Variants in B4GALT6 observed in about 807,000 individuals in gnomAD.
B4GALT6 encodes beta-1,4-galactosyltransferase 6.
A neutral mutation model predicts 46.3 loss-of-function variants in B4GALT6; 14 were observed. That is an observed-to-expected ratio of 0.30 (90% CI 0.20 to 0.47). The LOEUF is 0.47. Ranked by LOEUF, B4GALT6 falls within the 20% of genes least tolerant of loss-of-function variation. B4GALT6 has a pLI of 0.99. For missense variants in B4GALT6, 386 were observed against 480.1 expected (o/e 0.80, Z 1.83); for synonymous variants, 168 against 162.0 (o/e 1.04, Z -0.28).
At chr18:31,653,435 CTTTTTTTT>C (rs5823819) in intron 3 of B4GALT6, among the ~76,000 whole-genome samples, 7 of 74,162 alleles carry the variant, frequency 9.4e-5, no homozygotes, top group South Asian at 6.8e-4. Context: ...AACCTTTTTT[CTTTTTTTT>C]TTTTTTTTTT....
At chr18:31,696,485 T>A in the B4GALT6 span, among the ~76,000 whole-genome samples, 1 of 152,220 alleles carries the variant, frequency 6.6e-6, no homozygotes, top group Admixed American at 6.5e-5. Context: ...TACATTCTAT[T>A]ATTTTATTGA....
intron 1 of B4GALT6, among the ~76,000 whole-genome samples, chr18:31,673,071 G>GA (rs887781818): frequency 2.0e-5 from 3 of 152,056 alleles, no homozygotes; most frequent in African/African-American, 7.2e-5. Context: ...AGCCTGAGTG[G>GA]AAAAAAACTA....
At chr18:31,657,180 TCA>T (rs1198807053) in intron 3 of B4GALT6, among the ~76,000 whole-genome samples, 1 of 152,082 alleles carries the variant, frequency 6.6e-6, no homozygotes, top group African/African-American at 2.4e-5. Context: ...ACAGGAAAAC[TCA>T]CACTCTGTTG....
intron 3 of B4GALT6, among the ~76,000 whole-genome samples, chr18:31,657,591 G>A (rs925309040): frequency 1.3e-5 from 2 of 152,142 alleles, no homozygotes; most frequent in African/African-American, 4.8e-5. Context: ...CACTGGGGAT[G>A]GTGGTCAAAA....
the B4GALT6 span, among the ~76,000 whole-genome samples, chr18:31,700,558 G>C: frequency 6.6e-6 from 1 of 151,876 alleles, no homozygotes; most frequent in Non-Finnish European, 1.5e-5. Flanking sequence ...CCAGGTTCGC[G>C]CCATTCTCCT....
chr18:31,682,854 G>C (rs1456553307), intron 1 of B4GALT6, among the ~76,000 whole-genome samples: 1 of 152,126 alleles, frequency 6.6e-6, no homozygotes, highest in Non-Finnish European at 1.5e-5. Context: ...TAATTTATAA[G>C]ACTCCAAAAT....
chr18:31,671,248 T>C (rs2074353625), intron 1 of B4GALT6, among the ~76,000 whole-genome samples: 2 of 152,180 alleles, frequency 1.3e-5, no homozygotes, highest in African/African-American at 4.8e-5. Flanking sequence ...TTATAATCCT[T>C]TGGGTATATG....
chr18:31,703,133 CT>C, the B4GALT6 span, among the ~76,000 whole-genome samples: 826 of 152,222 alleles, frequency 5.4e-3, 9 homozygotes, highest in African/African-American at 0.019. Flanking sequence ...AAGGGAAACT[CT>C]TTGGTTTAAC....
chr18:31,660,702 TA>T (rs1390241435), intron 2 of B4GALT6, among the ~76,000 whole-genome samples: 1 of 151,406 alleles, frequency 6.6e-6, no homozygotes, highest in South Asian at 2.1e-4. Flanking sequence ...AAATAATACA[TA>T]ATAGGAGTTC....
At chr18:31,643,455 T>C (rs1469549737) in intron 4 of B4GALT6, among the ~76,000 whole-genome samples, 3 of 152,060 alleles carry the variant, frequency 2.0e-5, no homozygotes, top group Non-Finnish European at 4.4e-5. Context: ...TGTTCCACCA[T>C]GCCCGGCTAA....
At chr18:31,635,561 T>C (rs913567112) in intron 5 of B4GALT6, among the ~76,000 whole-genome samples, 1 of 149,908 alleles carries the variant, frequency 6.7e-6, no homozygotes, top group Admixed American at 6.6e-5. Context: ...AAGCTGAGAG[T>C]GAGAAACAAA....
At chr18:31,712,287 A>ATTTTTTT in the B4GALT6 span, among the ~76,000 whole-genome samples, 112 of 84,624 alleles carry the variant, frequency 1.3e-3, 8 homozygotes, top group Middle Eastern at 7.9e-3. Context: ...CTGGGACGTT[A>ATTTTTTT]TTTTTTTTTT....
At chr18:31,684,641 C>G (rs1598940873), upstream of B4GALT6, 2 of 909,210 alleles carry the variant, frequency 2.2e-6, no homozygotes, top group South Asian at 9.1e-5. Context: ...AGGGGAGGCG[C>G]GGAGGCCGAG....
At chr18:31,637,305 G>A (rs1421663305) in intron 5 of B4GALT6, among the ~76,000 whole-genome samples, 1 of 151,590 alleles carries the variant, frequency 6.6e-6, no homozygotes, top group Non-Finnish European at 1.5e-5. Context: ...TCTCCACCTG[G>A]TTCTCTCTTC....
At chr18:31,712,287 A>ACTT in the B4GALT6 span, among the ~76,000 whole-genome samples, 768 of 84,644 alleles carry the variant, frequency 9.1e-3, 45 homozygotes, top group African/African-American at 0.036. Context: ...CTGGGACGTT[A>ACTT]TTTTTTTTTT....
At chr18:31,700,700 C>T in the B4GALT6 span, among the ~76,000 whole-genome samples, 1 of 152,134 alleles carries the variant, frequency 6.6e-6, no homozygotes, top group Admixed American at 6.6e-5. Context: ...TCGTGATCTG[C>T]ATGCCTCGGC....
At chr18:31,710,814 C>CACACA in the B4GALT6 span, among the ~76,000 whole-genome samples, 1 of 140,124 alleles carries the variant, frequency 7.1e-6, no homozygotes, top group Non-Finnish European at 1.5e-5. Context: ...CCTGAATACA[C>CACACA]CACACACACA....
intron 4 of B4GALT6, among the ~76,000 whole-genome samples, chr18:31,644,937 T>C (rs1221588931): frequency 6.6e-6 from 1 of 152,206 alleles, no homozygotes; most frequent in Non-Finnish European, 1.5e-5. Flanking sequence ...AATCGGGATA[T>C]TAATATCCTC....
chr18:31,712,899 G>T, the B4GALT6 span, among the ~76,000 whole-genome samples: 3 of 152,282 alleles, frequency 2.0e-5, no homozygotes, highest in South Asian at 6.2e-4. Flanking sequence ...TGACCCATGA[G>T]ATTAACCCAG....
Sources: allele counts gnomAD v4.1 joint callset (sites outside exome capture counted in the v4.1 genomes callset), GRCh38; gene constraint gnomAD v4.1.1; transcripts MANE v1.5; gene names NCBI Gene and HGNC (gene_info 2026-07-23, HGNC 2026-07-21).